Variants in UFD1 observed in about 807,000 individuals in gnomAD.
UFD1 encodes ubiquitin recognition factor in ER-associated degradation protein 1.
A neutral mutation model predicts 45.9 loss-of-function variants in UFD1; 13 were observed. The observed-to-expected ratio is 0.28, with a 90% CI of 0.18 to 0.45. The LOEUF is 0.45. UFD1 is among the 20% of genes least tolerant of loss of function. The pLI is 1.00. For missense variants in UFD1, 218 were observed against 389.2 expected (o/e 0.56, Z 3.70); for synonymous variants, 128 against 139.2 (o/e 0.92, Z 0.56).
Position 19,467,999 on chromosome 22 carries a change from A to G in UFD1, c.296T>C (p.Met99Thr). Reference sequence around the variant, plus strand: ...GCCTTCTTCCAAGAGTAAGTTCTGCATCATCTGAAAGGAAGAAGAGGCTAC... The same window carrying G: ...GCCTTCTTCCAAGAGTAAGTTCTGCGTCATCTGAAAGGAAGAAGAGGCTAC... ...EGICYLPHWM[M>T]QNLLLEEGGL... The change falls in exon 5 of 12, where the codon ATG becomes ACG. Residue 99 changes from methionine to threonine, a missense_variant. Transcript: ENST00000263202. 9 of 1,614,076 alleles carry G rather than the reference A, an allele frequency of 5.6e-6. No homozygotes were observed. The highest frequency in any genetic ancestry group is 7.6e-6 in the Non-Finnish European group (9 of 1,179,974).
chr22:19,456,141 G>A (rs1222644358), intron 9 of UFD1, among the ~76,000 whole-genome samples: 3 of 152,166 alleles, frequency 2.0e-5, no homozygotes, highest in African/African-American at 7.2e-5. Context: ...GGCACCTCCT[G>A]CCACCTCAGT....
intron 11 of UFD1, chr22:19,453,239 A>G (rs2089697076): frequency 1.0e-6 from 1 of 985,294 alleles, no homozygotes; most frequent in Admixed American, 6.2e-5. Flanking sequence ...ATCTACACAG[A>G]ACTGCTTCTA....
chr22:19,453,466 G>A, intron 11 of UFD1: 1 of 985,436 alleles, frequency 1.0e-6, no homozygotes, highest in Non-Finnish European at 1.2e-6. Context: ...GGCCTCCCCT[G>A]CCTTCTGTAA....
At chr22:19,458,226 C>T (rs2089738582) in intron 6 of UFD1, 87 bp from the exon 7 acceptor site, 1 of 1,409,042 alleles carries the variant, frequency 7.1e-7, no homozygotes, top group East Asian at 2.3e-5. Context: ...TCTACTGGCT[C>T]CTGCGAATGA....
chr22:19,454,503 G>T, intron 11 of UFD1: 1 of 845,484 alleles, frequency 1.2e-6, no homozygotes, highest in Non-Finnish European at 1.6e-6. Context: ...CTTTTTCTCT[G>T]CCTGCTACCA....
At chr22:19,454,575 G>A in intron 11 of UFD1, 174 bp downstream of exon 11, 2 of 1,372,628 alleles carry the variant, frequency 1.5e-6, no homozygotes, top group Middle Eastern at 1.9e-4. Context: ...CATGTGAACT[G>A]TAAGTCCATT....
chr22:19,476,868 G>A (rs1240588996), intron 1 of UFD1, among the ~76,000 whole-genome samples: 1 of 151,652 alleles, frequency 6.6e-6, no homozygotes, highest in Admixed American at 6.6e-5. Flanking sequence ...TTAGCCGGGC[G>A]TGGTGGTACA....
intron 6 of UFD1, among the ~76,000 whole-genome samples, chr22:19,458,621 G>A (rs1466825046): frequency 6.6e-6 from 1 of 152,034 alleles, no homozygotes; most frequent in Non-Finnish European, 1.5e-5. Context: ...TTTTTGTATT[G>A]TTGTAGAGAT....
In UFD1 at chr22:19,456,499, C is replaced by T. The variant is rs150867355; in HGVS notation, c.678+88G>A. 90 of 1,556,708 alleles carry T rather than the reference C, an allele frequency of 5.8e-5. No homozygotes were observed. In the African/African-American group the frequency reaches 9.6e-4, roughly 17 times the overall value. On this transcript the variant is annotated intron_variant, in intron 9 of 11. Coordinates refer to ENST00000263202, the MANE Select transcript of UFD1 (RefSeq NM_005659.7). The stretch of plus-strand genomic sequence containing the variant: ...AGGCCTAACCCCTGCTGATGTCCAT[C>T]GAGCATCATGGAGAACACCTTGAGT...
intron 6 of UFD1, among the ~76,000 whole-genome samples, chr22:19,458,955 T>C (rs989529851): frequency 2.6e-5 from 4 of 152,204 alleles, no homozygotes; most frequent in Non-Finnish European, 5.9e-5. Flanking sequence ...ACACATACAT[T>C]AGCCTACAGT....
At chr22:19,469,904 G>A (rs758309630) in intron 4 of UFD1, 48 of 517,364 alleles carry the variant, frequency 9.3e-5, no homozygotes, top group Non-Finnish European at 1.5e-4. Context: ...CCAACAGCTT[G>A]GACAAGAGGC....
chr22:19,458,696 G>A (rs1322313878), intron 6 of UFD1, among the ~76,000 whole-genome samples: 3 of 151,996 alleles, frequency 2.0e-5, no homozygotes, highest in Non-Finnish European at 4.4e-5. Context: ...GCCCACCTCG[G>A]CCACACAAAG....
chr22:19,453,295 T>C, intron 11 of UFD1: 1 of 985,540 alleles, frequency 1.0e-6, no homozygotes, highest in Non-Finnish European at 1.2e-6. Flanking sequence ...CAAAGCCTTG[T>C]AGTTGCCTCC....
At chr22:19,478,055 A>G (rs576845527) in intron 1 of UFD1, among the ~76,000 whole-genome samples, 1 of 152,302 alleles carries the variant, frequency 6.6e-6, no homozygotes, top group East Asian at 1.9e-4. Flanking sequence ...CAACCTATGT[A>G]AGCCATTTCT....
intron 2 of UFD1, 139 bp downstream of exon 2, chr22:19,475,331 G>C: frequency 7.4e-7 from 1 of 1,358,070 alleles, no homozygotes; most frequent in South Asian, 1.4e-5. Flanking sequence ...AACAGAGCAA[G>C]TCAGGGATAA....
chr22:19,468,529 C>T (rs565518862), intron 4 of UFD1, among the ~76,000 whole-genome samples: 1 of 152,182 alleles, frequency 6.6e-6, no homozygotes, highest in African/African-American at 2.4e-5. Context: ...TTAAACAACC[C>T]AGCCAGGTAG....
chr22:19,457,107 G>T, intron 7 of UFD1, 189 bp from the exon 8 acceptor site: 1 of 603,586 alleles, frequency 1.7e-6, no homozygotes, highest in Non-Finnish European at 3.0e-6. Flanking sequence ...ATTGCTGCCA[G>T]GATATCAACA....
At chr22:19,479,009 G>A in intron 1 of UFD1, 74 bp downstream of exon 1, 9 of 721,742 alleles carry the variant, frequency 1.2e-5, no homozygotes, top group Non-Finnish European at 2.0e-5. Context: ...GTCCCGCCCC[G>A]CCCTGCCCCG....
rs2089815308 is a variant in UFD1, at chr22:19,467,948, T to C, written c.347A>G (p.Asn116Ser). 4 of 1,614,158 alleles carry C rather than the reference T, an allele frequency of 2.5e-6. No individual in the cohort carries two copies. The highest frequency in any genetic ancestry group is 2.5e-6 in the Non-Finnish European group (3 of 1,180,014). Residue 116 changes from asparagine (N) to serine (S), a missense_variant, in exon 5 of 12, where the codon AAC (asparagine) becomes AGC (serine). Transcript: ENST00000263202. ...TTTGGAGTAGGTGGCCACTTGAAGGTTGACGCTCTCCACCTGGACCAGGCC... is the reference window on the plus strand; with the variant it reads ...TTTGGAGTAGGTGGCCACTTGAAGGCTGACGCTCTCCACCTGGACCAGGCC... ...EGGLVQVESVNLQVATYSKFQ... is the reference protein window; with the variant it reads ...EGGLVQVESVSLQVATYSKFQ...
Sources: gnomAD v4.1 joint callset for allele counts (sites outside exome capture counted in the v4.1 genomes callset) on GRCh38, gnomAD v4.1.1 for gene constraint, MANE v1.5 for transcripts, NCBI Gene and HGNC (gene_info 2026-07-23, HGNC 2026-07-21) for gene names.